Variants in JAM2 observed in about 807,000 individuals in gnomAD.
The protein encoded by JAM2 is junctional adhesion molecule B.
In JAM2, 17 loss-of-function variants were observed where a neutral mutation model predicts 42.0. The ratio of observed to expected loss-of-function variants is 0.40; its 90% CI spans 0.28 to 0.61. The LOEUF (loss-of-function observed/expected upper bound fraction) is 0.61. JAM2 is among the 20% of genes least tolerant of loss of function. The probability of loss-of-function intolerance (pLI) is 0.37; values close to 1 mark genes in which losing one functional copy is unlikely to be tolerated. For missense variants in JAM2, 319 were observed against 358.3 expected (o/e 0.89, Z 0.89); for synonymous variants, 118 against 128.6 (o/e 0.92, Z 0.56).
intron 1 of JAM2, among the ~76,000 whole-genome samples, chr21:25,682,475 G>T (rs2123366940): frequency 6.6e-6 from 1 of 152,386 alleles, no homozygotes. Context: ...ACGTGCGACA[G>T]GGGTGTGGCT....
At chr21:25,711,074 T>C (rs1031602340) in intron 8 of JAM2, among the ~76,000 whole-genome samples, 1 of 152,186 alleles carries the variant, frequency 6.6e-6, no homozygotes, top group Admixed American at 6.5e-5. Flanking sequence ...TTCAAGGTTA[T>C]GAGAAGGATG....
chr21:25,703,768 C>CAAAA (rs61230573), intron 6 of JAM2, among the ~76,000 whole-genome samples: 1 of 141,952 alleles, frequency 7.0e-6, no homozygotes, highest in African/African-American at 2.6e-5. Context: ...ACTTTTTTTT[C>CAAAA]AAAAAAAAAA....
chr21:25,706,808 C>T (rs60451223), intron 7 of JAM2, among the ~76,000 whole-genome samples: 2,010 of 152,206 alleles, frequency 0.013, 50 homozygotes, highest in African/African-American at 0.046. Flanking sequence ...AGCGCAATTT[C>T]GGCTCACTGC....
intron 1 of JAM2, among the ~76,000 whole-genome samples, chr21:25,670,626 T>C (rs1207888874): frequency 6.6e-6 from 1 of 152,218 alleles, no homozygotes; most frequent in Non-Finnish European, 1.5e-5. Flanking sequence ...ATTGGTCTAG[T>C]TCACTGATCC....
At chr21:25,681,294 T>C (rs1407267774) in intron 1 of JAM2, among the ~76,000 whole-genome samples, 1 of 152,194 alleles carries the variant, frequency 6.6e-6, no homozygotes, top group Non-Finnish European at 1.5e-5. Context: ...CGAGACTGGG[T>C]ACTTCATAAA....
At chr21:25,687,981 A>G (rs950959988) in intron 2 of JAM2, among the ~76,000 whole-genome samples, 2 of 152,170 alleles carry the variant, frequency 1.3e-5, no homozygotes, top group African/African-American at 4.8e-5. Context: ...CCCCTGTTAA[A>G]TTGTAAGATC....
At chr21:25,663,530 G>A (rs1390230850) in intron 1 of JAM2, among the ~76,000 whole-genome samples, 1 of 152,132 alleles carries the variant, frequency 6.6e-6, no homozygotes, top group African/African-American at 2.4e-5. Flanking sequence ...TGAGGACTCT[G>A]CCTTCATGAA....
chr21:25,644,156 A>G (rs532389919), intron 1 of JAM2: 165 of 152,358 alleles, frequency 1.1e-3, no homozygotes, highest in Middle Eastern at 6.8e-3. Flanking sequence ...AAGCAGCAAA[A>G]TAAAACTTAA....
intron 2 of JAM2, among the ~76,000 whole-genome samples, chr21:25,685,415 G>T (rs1237563819): frequency 6.6e-6 from 1 of 151,142 alleles, no homozygotes; most frequent in Non-Finnish European, 1.5e-5. Flanking sequence ...CAGCTACTCA[G>T]GAGGCTGAGG....
chr21:25,684,025 T>G (rs1023491156), intron 2 of JAM2, 77 bp downstream of exon 2: 2 of 936,926 alleles, frequency 2.1e-6, no homozygotes, highest in Non-Finnish European at 3.2e-6. Flanking sequence ...TGTTATTTTC[T>G]ATTTGTTGGG....
intron 1 of JAM2, among the ~76,000 whole-genome samples, chr21:25,672,250 G>A (rs2033379745): frequency 6.6e-6 from 1 of 151,900 alleles, no homozygotes; most frequent in Non-Finnish European, 1.5e-5. Flanking sequence ...ACATCCAGGT[G>A]GTTTAGTAAG....
chr21:25,665,508 C>A (rs970980713), intron 1 of JAM2, among the ~76,000 whole-genome samples: 1 of 152,036 alleles, frequency 6.6e-6, no homozygotes, highest in African/African-American at 2.4e-5. Context: ...TATGTGTGTG[C>A]ATGTATGTAC....
Position 25,639,879 on chromosome 21 carries a change from G to T in JAM2, c.58G>T (p.Ala20Ser). ...GCTGCTGCTGCGCTACCTGGTGGTC[G>T]CCCTGGGCTGTAAGTTGCTCGGGTT... ...LLLLLRYLVVALGYHKAYGFS... is the reference protein window; with the variant it reads ...LLLLLRYLVVSLGYHKAYGFS... Residue 20 changes from alanine (A) to serine (S), a missense_variant, in exon 1 of 10, where the codon GCC becomes TCC. By Grantham distance (99) the Ala-to-Ser change is moderately conservative. Transcript: ENST00000480456. 1.9e-6 allele frequency: 3 copies of T among 1,589,464 alleles called. No individual in the cohort carries two copies. The highest frequency in any genetic ancestry group is 2.7e-5 in the African/African-American group (2 of 74,468).
intron 1 of JAM2, among the ~76,000 whole-genome samples, chr21:25,678,815 A>G (rs2033559904): frequency 6.6e-6 from 1 of 152,180 alleles, no homozygotes; most frequent in South Asian, 2.1e-4. Flanking sequence ...AATTAAAAAA[A>G]TATATATTTT....
At chr21:25,646,961 G>T (rs1190156583) in intron 1 of JAM2, among the ~76,000 whole-genome samples, 3 of 152,096 alleles carry the variant, frequency 2.0e-5, no homozygotes, top group Admixed American at 2.0e-4. Flanking sequence ...TTTTCTACTG[G>T]GATAATTTAG....
chr21:25,695,042 G>T (rs1404217577), intron 4 of JAM2, among the ~76,000 whole-genome samples: 3 of 151,300 alleles, frequency 2.0e-5, no homozygotes, highest in African/African-American at 7.3e-5. Context: ...GGATTTGGCA[G>T]GGTCATAGGA....
intron 1 of JAM2, among the ~76,000 whole-genome samples, chr21:25,661,442 G>A (rs956137776): frequency 6.6e-6 from 1 of 152,072 alleles, no homozygotes; most frequent in African/African-American, 2.4e-5. Flanking sequence ...CAGCCTGGGT[G>A]ACAGAGCAAG....
At chr21:25,706,164 G>T (rs1292085679) in intron 7 of JAM2, 78 bp downstream of exon 7, 5 of 958,576 alleles carry the variant, frequency 5.2e-6, no homozygotes, top group Non-Finnish European at 1.7e-6. Flanking sequence ...GTTTCTCCTA[G>T]GAAGTTGTTT....
chr21:25,676,875 A>C (rs997623328), intron 1 of JAM2, among the ~76,000 whole-genome samples: 1 of 152,220 alleles, frequency 6.6e-6, no homozygotes. Context: ...AGTTTTGTAA[A>C]AAGGAACTCT....
Sources: gnomAD v4.1 joint callset for allele counts (sites outside exome capture counted in the v4.1 genomes callset) on GRCh38, gnomAD v4.1.1 for gene constraint, MANE v1.5 for transcripts, NCBI Gene and HGNC (gene_info 2026-07-23, HGNC 2026-07-21) for gene names.